SAMTOR: variants seen among roughly 807,000 people sequenced by gnomAD.
SAMTOR encodes S-adenosylmethionine sensor upstream of mTORC1, also known as UPF0532 protein C7orf60.
At chr7:112,939,753 C>A in the SAMTOR span, 1 of 1,590,368 alleles carries the variant, frequency 6.3e-7, no homozygotes, top group Non-Finnish European at 8.5e-7. Context: ...GGCTCCATAT[C>A]GCAGCCGCCG....
At chr7:112,922,342 A>C in the SAMTOR span, among the ~76,000 whole-genome samples, 6 of 152,140 alleles carry the variant, frequency 3.9e-5, no homozygotes, top group African/African-American at 1.4e-4. Context: ...TTGGCCTCCC[A>C]AAGTGCCGAG....
At chr7:112,858,956 G>A in the SAMTOR span, among the ~76,000 whole-genome samples, 151 of 152,258 alleles carry the variant, frequency 9.9e-4, no homozygotes, top group African/African-American at 3.5e-3. Flanking sequence ...TTTAGATGTC[G>A]TTGTGAAGGC....
chr7:112,868,574 A>C, the SAMTOR span, among the ~76,000 whole-genome samples: 1 of 152,148 alleles, frequency 6.6e-6, no homozygotes, highest in Non-Finnish European at 1.5e-5. Flanking sequence ...AGGGAAAGAC[A>C]CCAGGAAGCT....
At chr7:112,895,770 A>C in the SAMTOR span, 4 of 1,449,404 alleles carry the variant, frequency 2.8e-6, no homozygotes, top group South Asian at 2.9e-5. Context: ...GTATTTTAAC[A>C]TACTGTGTAC....
the SAMTOR span, among the ~76,000 whole-genome samples, chr7:112,847,509 T>C: frequency 6.6e-6 from 1 of 152,236 alleles, no homozygotes; most frequent in Non-Finnish European, 1.5e-5. Flanking sequence ...CCAGGCATGG[T>C]GGCTCATGCC....
At chr7:112,822,857 T>C in the SAMTOR span, among the ~76,000 whole-genome samples, 1 of 152,134 alleles carries the variant, frequency 6.6e-6, no homozygotes, top group Non-Finnish European at 1.5e-5. Context: ...CTTTAGTTCT[T>C]TGAAACTGTT....
At chr7:112,924,060 G>T in the SAMTOR span, among the ~76,000 whole-genome samples, 1 of 149,342 alleles carries the variant, frequency 6.7e-6, no homozygotes, top group Non-Finnish European at 1.5e-5. Context: ...GCGGGAGGGG[G>T]GAGGGATAGC....
the SAMTOR span, among the ~76,000 whole-genome samples, chr7:112,842,721 C>A: frequency 1.3e-5 from 2 of 151,910 alleles, no homozygotes; most frequent in African/African-American, 4.8e-5. Flanking sequence ...TGTTTTGTTA[C>A]TGTTCATTGA....
At chr7:112,861,918 A>G in the SAMTOR span, among the ~76,000 whole-genome samples, 252 of 152,252 alleles carry the variant, frequency 1.7e-3, 8 homozygotes, top group East Asian at 0.04. Flanking sequence ...ATTCCATCCT[A>G]TTCTAAATAC....
chr7:112,839,345 T>G, the SAMTOR span, among the ~76,000 whole-genome samples: 1 of 151,878 alleles, frequency 6.6e-6, no homozygotes, highest in African/African-American at 2.4e-5. Flanking sequence ...AAGATAGAAA[T>G]TAATCACCAT....
At chr7:112,849,873 T>C in the SAMTOR span, among the ~76,000 whole-genome samples, 1 of 152,224 alleles carries the variant, frequency 6.6e-6, no homozygotes, top group Non-Finnish European at 1.5e-5. Flanking sequence ...TTGTTTTTAA[T>C]TCTTTTTATA....
At chr7:112,858,507 T>A in the SAMTOR span, among the ~76,000 whole-genome samples, 5 of 152,158 alleles carry the variant, frequency 3.3e-5, no homozygotes, top group Admixed American at 6.5e-5. Flanking sequence ...CTATAATTTT[T>A]AAAATAAAAA....
the SAMTOR span, chr7:112,819,664 T>G: frequency 6.6e-6 from 1 of 152,568 alleles, no homozygotes; most frequent in African/African-American, 2.4e-5. Context: ...CTCAGAGTAC[T>G]ACGTAAAATA....
At chr7:112,906,313 C>T in the SAMTOR span, among the ~76,000 whole-genome samples, 1 of 151,996 alleles carries the variant, frequency 6.6e-6, no homozygotes, top group African/African-American at 2.4e-5. Context: ...AGTAAAAGTA[C>T]AATATTATAA....
chr7:112,908,574 A>C, the SAMTOR span, among the ~76,000 whole-genome samples: 9 of 152,162 alleles, frequency 5.9e-5, no homozygotes. Context: ...ACCAATACCA[A>C]ATACAGTAAT....
the SAMTOR span, among the ~76,000 whole-genome samples, chr7:112,840,850 G>C: frequency 6.6e-6 from 1 of 152,032 alleles, no homozygotes; most frequent in African/African-American, 2.4e-5. Context: ...TATTTCAATA[G>C]ATGCAGAAAA....
the SAMTOR span, among the ~76,000 whole-genome samples, chr7:112,921,323 C>T: frequency 6.6e-6 from 1 of 151,874 alleles, no homozygotes; most frequent in African/African-American, 2.4e-5. Context: ...CTTTGACAAA[C>T]CTGACAAAAA....
the SAMTOR span, chr7:112,915,270 T>C: frequency 6.4e-7 from 1 of 1,563,912 alleles, no homozygotes; most frequent in Non-Finnish European, 8.6e-7. Flanking sequence ...AACAATACAT[T>C]TGAAACCAAA....
At chr7:112,901,142 C>T in the SAMTOR span, among the ~76,000 whole-genome samples, 1 of 152,186 alleles carries the variant, frequency 6.6e-6, no homozygotes, top group Non-Finnish European at 1.5e-5. Flanking sequence ...TCATACATAT[C>T]AGGGGTCCCC....
Sources: gnomAD v4.1 joint callset for allele counts (sites outside exome capture counted in the v4.1 genomes callset) on GRCh38, gnomAD v4.1.1 for gene constraint, MANE v1.5 for transcripts, NCBI Gene and HGNC (gene_info 2026-07-23, HGNC 2026-07-21) for gene names.